Variants in NCR1 observed in about 807,000 individuals in gnomAD.
The protein encoded by NCR1 is natural cytotoxicity triggering receptor 1, also known as NK cell-activating receptor.
A neutral mutation model predicts 32.5 loss-of-function variants in NCR1; 30 were observed. The observed-to-expected ratio is 0.92, with a 90% CI of 0.69 to 1.25. The LOEUF is 1.25. Among genes scored for constraint, NCR1 ranks in the 50% most tolerant of loss-of-function variants. NCR1 has a pLI of 0.00. For missense variants in NCR1, 369 were observed against 380.7 expected, an observed-to-expected ratio of 0.97 and a Z score of 0.26; for synonymous variants, 169 against 143.4, an observed-to-expected ratio of 1.18 and a Z score of -1.28.
At chr19:54,933,538 G>GCA in the NCR1 span, 669 of 1,584,136 alleles carry the variant, frequency 4.2e-4, 2 homozygotes, top group South Asian at 5.2e-3. Context: ...GAATTCATGT[G>GCA]CACACACACA....
At chr19:54,906,126 A>G (rs2067592670), upstream of NCR1, 4 of 1,609,862 alleles carry the variant, frequency 2.5e-6, no homozygotes, top group Non-Finnish European at 3.4e-6. Context: ...CTGTGTATCT[A>G]TCTCCCTGGC....
chr19:54,934,005 C>T, the NCR1 span, among the ~76,000 whole-genome samples: 17 of 152,288 alleles, frequency 1.1e-4, no homozygotes, highest in East Asian at 9.7e-4. The surrounding 1 kb of genome is among the most constrained non-coding windows in gnomAD (Gnocchi z 6.7). Context: ...TGCAGTGGCG[C>T]GATCTCGGTT....
At chr19:54,906,007 CT>C (rs2067583945), upstream of NCR1, 1 of 725,614 alleles carries the variant, frequency 1.4e-6, no homozygotes, top group African/African-American at 1.7e-5. Flanking sequence ...GGACCACGGC[CT>C]TTCTGTAAGC....
chr19:54,912,418 G>A (rs1205155737), intron 6 of NCR1, among the ~76,000 whole-genome samples, 200 bp downstream of exon 6: 2 of 151,536 alleles, frequency 1.3e-5, no homozygotes, highest in Admixed American at 6.6e-5. Flanking sequence ...CCAACATGGC[G>A]AAATCCCATC....
the NCR1 span, chr19:54,930,543 G>C: frequency 6.2e-7 from 1 of 1,612,532 alleles, no homozygotes; most frequent in Non-Finnish European, 8.5e-7. Flanking sequence ...ATGCCTGACA[G>C]AGAATCCACA....
downstream of NCR1, among the ~76,000 whole-genome samples, chr19:54,913,513 G>A (rs1185448041): frequency 6.6e-6 from 1 of 152,012 alleles, no homozygotes; most frequent in Non-Finnish European, 1.5e-5. Context: ...TCCTACTTTG[G>A]TCTTTTTTTC....
At chr19:54,936,443 C>T in the NCR1 span, 4 of 1,610,468 alleles carry the variant, frequency 2.5e-6, no homozygotes, top group African/African-American at 4.0e-5. Context: ...TAGGGAAAAG[C>T]AGAAGAGATT....
the NCR1 span, among the ~76,000 whole-genome samples, chr19:54,929,700 A>G: frequency 4.0e-5 from 6 of 151,866 alleles, no homozygotes; most frequent in African/African-American, 1.2e-4. Flanking sequence ...CCATTGTTAT[A>G]TATATTTCAC....
At chr19:54,903,387 T>C (rs183473277), upstream of NCR1, among the ~76,000 whole-genome samples, 3,535 of 139,572 alleles carry the variant, frequency 0.025, 90 homozygotes, top group African/African-American at 0.079. Context: ...TGTATGTATA[T>C]ACATATATGT....
downstream of NCR1, among the ~76,000 whole-genome samples, chr19:54,919,723 C>A (rs546005181): frequency 4.7e-5 from 7 of 148,012 alleles, no homozygotes; most frequent in East Asian, 6.5e-4. Context: ...GACCCCCCCC[C>A]CCACCCGCTG....
the NCR1 span, among the ~76,000 whole-genome samples, chr19:54,898,678 T>A: frequency 6.6e-6 from 1 of 152,144 alleles, no homozygotes; most frequent in African/African-American, 2.4e-5. Context: ...CTGTAAAGCG[T>A]CTCAGGGTTG....
At chr19:54,927,576 CAAAA>C in the NCR1 span, 1 of 314,792 alleles carries the variant, frequency 3.2e-6, no homozygotes. Flanking sequence ...AAACAAAAAA[CAAAA>C]CAAAACAAAA....
the NCR1 span, chr19:54,934,738 T>G: frequency 3.4e-6 from 4 of 1,182,442 alleles, no homozygotes; most frequent in East Asian, 2.6e-5. The surrounding 1 kb of genome is among the most constrained non-coding windows in gnomAD (Gnocchi z 6.7). Flanking sequence ...GAGACAGAGT[T>G]TCACTCTGTT....
the NCR1 span, chr19:54,936,348 A>G: frequency 5.0e-6 from 8 of 1,613,958 alleles, no homozygotes; most frequent in Non-Finnish European, 5.9e-6. Context: ...GTGCCCTGCC[A>G]GGGTCAGGTG....
chr19:54,902,990 T>C (rs111668280), upstream of NCR1, among the ~76,000 whole-genome samples: 11,034 of 151,684 alleles, frequency 0.073, 492 homozygotes, highest in African/African-American at 0.13. Flanking sequence ...ATTAGTCGAG[T>C]GTGGTGGCAC....
chr19:54,899,895 C>T, the NCR1 span, among the ~76,000 whole-genome samples: 23 of 151,802 alleles, frequency 1.5e-4, no homozygotes, highest in Admixed American at 5.2e-4. Flanking sequence ...TTTGGGTCCA[C>T]GAATAAAGCG....
Position 54,909,311 on chromosome 19 carries a change from CCTT to C in NCR1, c.425_427del (p.Phe142del), listed in dbSNP as rs751201572. 8 of 1,614,000 alleles carry C rather than the reference CCTT, an allele frequency of 5.0e-6. No individual in the cohort carries two copies. In the Admixed American group the frequency reaches 6.7e-5, roughly 13 times the overall value. ...GAAGTGATCTCGGGAGAGAAGGTGA[CCTT>C]CTACTGCCGTCTAGACACTGCAACA... On this transcript the variant is annotated inframe_deletion, in exon 4 of 7. Coordinates refer to ENST00000291890, the MANE Select transcript of NCR1 (RefSeq NM_004829.7).
chr19:54,901,179 A>G (rs2067293448), upstream of NCR1, among the ~76,000 whole-genome samples: 2 of 148,558 alleles, frequency 1.3e-5, no homozygotes, highest in African/African-American at 5.0e-5. Flanking sequence ...AGTCCTAGCT[A>G]CTCAGGAGGC....
chr19:54,920,632 G>T (rs2068228662), downstream of NCR1, among the ~76,000 whole-genome samples: 1 of 152,172 alleles, frequency 6.6e-6, no homozygotes, highest in East Asian at 1.9e-4. Context: ...TTCAAGACAA[G>T]CCTGGTCAAT....
Sources: allele counts gnomAD v4.1 joint callset (sites outside exome capture counted in the v4.1 genomes callset), GRCh38; gene constraint gnomAD v4.1.1; non-coding constraint Gnocchi (gnomAD v3.1); transcripts MANE v1.5; gene names NCBI Gene and HGNC (gene_info 2026-07-23, HGNC 2026-07-21).